The following SDK1 variants were observed in gnomAD, a reference collection of about 807,000 sequenced individuals.
SDK1 encodes sidekick cell adhesion molecule 1.
Under a neutral mutation model 245.5 loss-of-function variants are expected in SDK1, and 157 were observed. That is an observed-to-expected ratio of 0.64 (90% CI 0.56 to 0.73). The LOEUF is 0.73. Ranked by LOEUF, SDK1 falls within the 30% of genes least tolerant of loss-of-function variation. The probability of loss-of-function intolerance (pLI) is 0.00; values close to 1 mark genes in which losing one functional copy is unlikely to be tolerated. For missense variants in SDK1, 3,583 were observed against 3,002.3 expected (o/e 1.19, Z -4.52); for synonymous variants, 1,647 against 1,278.5 (o/e 1.29, Z -6.15).
intron 35 of SDK1, among the ~76,000 whole-genome samples, chr7:4,188,519 G>GCAAATA (rs1372018192): frequency 6.6e-6 from 1 of 151,988 alleles, no homozygotes; most frequent in Non-Finnish European, 1.5e-5. Context: ...CATGTCTATG[G>GCAAATA]CAAATACTTT....
At chr7:4,242,205 G>C (rs1247186148) in intron 43 of SDK1, among the ~76,000 whole-genome samples, 2 of 152,184 alleles carry the variant, frequency 1.3e-5, no homozygotes, top group East Asian at 3.9e-4. Context: ...CTGGCCTTCT[G>C]TGTCAATCGC....
At chr7:3,512,416 G>A (rs1300673764) in intron 1 of SDK1, among the ~76,000 whole-genome samples, 1 of 152,166 alleles carries the variant, frequency 6.6e-6, no homozygotes, top group African/African-American at 2.4e-5. Flanking sequence ...AATAAAACTG[G>A]CATAAACATC....
chr7:3,519,367 A>G (rs957598043), intron 1 of SDK1, among the ~76,000 whole-genome samples: 15 of 152,176 alleles, frequency 9.9e-5, no homozygotes, highest in African/African-American at 3.4e-4. Context: ...TAATGTATCA[A>G]AACATTACTG....
intron 1 of SDK1, among the ~76,000 whole-genome samples, chr7:3,610,491 T>C (rs1456073431): frequency 6.6e-6 from 1 of 152,210 alleles, no homozygotes; most frequent in African/African-American, 2.4e-5. Context: ...AAGTAAAATA[T>C]TGGAGAGCTG....
chr7:4,167,566 C>G (rs536122114), intron 32 of SDK1, among the ~76,000 whole-genome samples: 1 of 152,330 alleles, frequency 6.6e-6, no homozygotes, highest in South Asian at 2.1e-4. Context: ...GATGGCCAAG[C>G]CAGGGTGCAG....
intron 13 of SDK1, among the ~76,000 whole-genome samples, chr7:3,976,746 T>C (rs375462670): frequency 2.8e-3 from 2 of 720 alleles, no homozygotes; most frequent in Non-Finnish European, 6.1e-3. Flanking sequence ...ACGCAGAGGG[T>C]CCTCCAGAGA....
chr7:3,788,596 G>A (rs1780983624), intron 4 of SDK1, among the ~76,000 whole-genome samples: 1 of 152,118 alleles, frequency 6.6e-6, no homozygotes, highest in African/African-American at 2.4e-5. Context: ...GCTTCCCTGG[G>A]CCACGTTGGA....
At chr7:3,404,013 T>C (rs1778984031) in intron 1 of SDK1, among the ~76,000 whole-genome samples, 1 of 151,152 alleles carries the variant, frequency 6.6e-6, no homozygotes, top group African/African-American at 2.4e-5. Flanking sequence ...ATAAAAGTTG[T>C]GTTTATGCTA....
intron 21 of SDK1, among the ~76,000 whole-genome samples, chr7:4,077,611 G>T (rs1780777552): frequency 6.6e-6 from 1 of 152,236 alleles, no homozygotes; most frequent in Admixed American, 6.5e-5. Context: ...GTTCCGTATG[G>T]TTGGGGAGGC....
At chr7:3,940,304 C>T (rs1053792798) in intron 5 of SDK1, among the ~76,000 whole-genome samples, 1 of 152,212 alleles carries the variant, frequency 6.6e-6, no homozygotes, top group Non-Finnish European at 1.5e-5. Context: ...ACAGTGAAAC[C>T]CTGCTTGGTG....
chr7:4,043,113 G>T (rs576176787), intron 17 of SDK1, among the ~76,000 whole-genome samples: 12 of 92,456 alleles, frequency 1.3e-4, no homozygotes, highest in African/African-American at 1.0e-3. Context: ...GAGTGTCACA[G>T]CCAGGGGCTC....
chr7:3,649,050 C>A (rs200694210), intron 4 of SDK1, among the ~76,000 whole-genome samples: 1 of 152,264 alleles, frequency 6.6e-6, no homozygotes, highest in South Asian at 2.1e-4. Flanking sequence ...TTAATTAGTG[C>A]CAGCCACTGT....
chr7:4,007,235 C>G (rs564417809), intron 14 of SDK1, among the ~76,000 whole-genome samples: 2 of 152,264 alleles, frequency 1.3e-5, no homozygotes, highest in East Asian at 3.9e-4. Context: ...TGGAGGGGAA[C>G]CACTGTTACC....
chr7:3,904,691 A>G (rs1351589231), intron 5 of SDK1, among the ~76,000 whole-genome samples: 2 of 151,810 alleles, frequency 1.3e-5, no homozygotes, highest in Admixed American at 1.3e-4. Context: ...GAAACCATGT[A>G]TCTAAAAAAA....
intron 5 of SDK1, among the ~76,000 whole-genome samples, chr7:3,904,625 T>C (rs1277970181): frequency 6.6e-6 from 1 of 152,018 alleles, no homozygotes; most frequent in Non-Finnish European, 1.5e-5. Flanking sequence ...GCCCGGAAGA[T>C]CAAGGCTGCA....
chr7:3,997,874 C>T (rs995310334), intron 14 of SDK1, among the ~76,000 whole-genome samples: 3 of 152,198 alleles, frequency 2.0e-5, no homozygotes, highest in Non-Finnish European at 2.9e-5. Flanking sequence ...CACTCATGCT[C>T]GCCCTGACTT....
intron 5 of SDK1, among the ~76,000 whole-genome samples, chr7:3,904,747 A>T (rs566829406): frequency 6.6e-6 from 1 of 152,224 alleles, no homozygotes; most frequent in African/African-American, 2.4e-5. Flanking sequence ...TAATCCCAGC[A>T]CTTTGGGAGG....
chr7:4,226,832 T>C (rs567783082), intron 40 of SDK1, among the ~76,000 whole-genome samples: 75 of 152,298 alleles, frequency 4.9e-4, no homozygotes, highest in African/African-American at 1.7e-3. Context: ...ATTTACACAA[T>C]AGACTGGAAT....
intron 1 of SDK1, among the ~76,000 whole-genome samples, chr7:3,336,207 C>A (rs778293016): frequency 1.3e-5 from 2 of 152,168 alleles, no homozygotes; most frequent in African/African-American, 2.4e-5. Context: ...TCCCAGGCTT[C>A]GAGAGCAGGC....
Sources: allele counts gnomAD v4.1 joint callset (sites outside exome capture counted in the v4.1 genomes callset), GRCh38; gene constraint gnomAD v4.1.1; transcripts MANE v1.5; gene names NCBI Gene and HGNC (gene_info 2026-07-23, HGNC 2026-07-21).